CELF4: variants seen among roughly 807,000 people sequenced by gnomAD.
CELF4 encodes the protein CUGBP Elav-like family member 4.
CELF4 carries 18 observed loss-of-function variants against 59.9 expected under a neutral mutation model. That is an observed-to-expected ratio of 0.30 (90% CI 0.21 to 0.45). The LOEUF (loss-of-function observed/expected upper bound fraction) is 0.45. Ranked by LOEUF, CELF4 falls within the 20% of genes least tolerant of loss-of-function variation. The pLI is 1.00. For synonymous variants in CELF4, 261 were observed against 267.1 expected, an observed-to-expected ratio of 0.98 and a Z score of 0.22; for missense variants, 456 against 689.0, an observed-to-expected ratio of 0.66 and a Z score of 3.79.
chr18:37,248,906 C>G (rs2063699834), intron 12 of CELF4, among the ~76,000 whole-genome samples: 2 of 145,426 alleles, frequency 1.4e-5, no homozygotes, highest in African/African-American at 5.1e-5. Context: ...AGTCCACAGG[C>G]TTCTACATAC....
At chr18:37,341,785 C>A (rs2098050892) in intron 2 of CELF4, among the ~76,000 whole-genome samples, 1 of 152,122 alleles carries the variant, frequency 6.6e-6, no homozygotes, top group African/African-American at 2.4e-5. Flanking sequence ...CTCCTAGGAG[C>A]TAGGATGGTG....
intron 1 of CELF4, among the ~76,000 whole-genome samples, chr18:37,548,893 C>T (rs2099982273): frequency 6.6e-6 from 1 of 152,236 alleles, no homozygotes. Flanking sequence ...AGGCACGAAA[C>T]ACTGCCCACC....
At chr18:37,251,367 C>A (rs988591303) in intron 12 of CELF4, among the ~76,000 whole-genome samples, 4 of 152,170 alleles carry the variant, frequency 2.6e-5, no homozygotes, top group Non-Finnish European at 5.9e-5. Flanking sequence ...GCTGGTTCAA[C>A]CCTGTGGGCA....
At chr18:37,393,943 C>T (rs1159504787) in intron 2 of CELF4, among the ~76,000 whole-genome samples, 1 of 151,174 alleles carries the variant, frequency 6.6e-6, no homozygotes. Flanking sequence ...AACACCCCAC[C>T]TCCTCCGAGC....
intron 10 of CELF4, among the ~76,000 whole-genome samples, chr18:37,262,988 T>C (rs1350459751): frequency 6.6e-6 from 1 of 152,172 alleles, no homozygotes; most frequent in East Asian, 1.9e-4. Flanking sequence ...ATGCCCCTGA[T>C]CTCAGAAGTT....
At chr18:37,325,477 T>G (rs606798) in intron 2 of CELF4, among the ~76,000 whole-genome samples, 102,215 of 152,138 alleles carry the variant, frequency 0.67, 34,626 homozygotes, top group South Asian at 0.77. Flanking sequence ...CCACCCTAGA[T>G]GCCACCCCAG....
At chr18:37,489,477 G>A (rs1203129024) in intron 1 of CELF4, among the ~76,000 whole-genome samples, 1 of 152,148 alleles carries the variant, frequency 6.6e-6, no homozygotes, top group East Asian at 1.9e-4. Flanking sequence ...CTCTCTCCTA[G>A]GGAGGGAATG....
intron 3 of CELF4, among the ~76,000 whole-genome samples, chr18:37,292,146 A>T (rs1430111851): frequency 3.3e-5 from 5 of 149,268 alleles, no homozygotes; most frequent in African/African-American, 1.3e-4. Context: ...AATCTTGGAC[A>T]TTCTGGCCTC....
chr18:37,302,776 G>C (rs972656121), intron 3 of CELF4, among the ~76,000 whole-genome samples: 1 of 152,184 alleles, frequency 6.6e-6, no homozygotes, highest in African/African-American at 2.4e-5. Context: ...AGCAGGGTGA[G>C]CTTTCAGGAG....
intron 12 of CELF4, among the ~76,000 whole-genome samples, chr18:37,251,786 C>A (rs2065672777): frequency 6.6e-6 from 1 of 152,252 alleles, no homozygotes; most frequent in Admixed American, 6.5e-5. Flanking sequence ...GAGCCAGAAG[C>A]TCCTCGAGGG....
chr18:37,320,326 A>C (rs1603461845), intron 3 of CELF4, among the ~76,000 whole-genome samples: 1 of 110,416 alleles, frequency 9.1e-6, no homozygotes, highest in Admixed American at 1.2e-4. Flanking sequence ...ACAGAGTGAG[A>C]CTCCATCTCA....
At chr18:37,528,312 T>A (rs1452764863) in intron 1 of CELF4, among the ~76,000 whole-genome samples, 1 of 152,228 alleles carries the variant, frequency 6.6e-6, no homozygotes, top group Non-Finnish European at 1.5e-5. Context: ...GTAATTTTCC[T>A]TACAAGAGTG....
At chr18:37,330,491 G>C (rs771489487) in intron 2 of CELF4, among the ~76,000 whole-genome samples, 1 of 152,222 alleles carries the variant, frequency 6.6e-6, no homozygotes, top group African/African-American at 2.4e-5. Flanking sequence ...ATAGAGAGGG[G>C]TTAGAGATTC....
chr18:37,558,602 G>T (rs1178416558), intron 1 of CELF4, among the ~76,000 whole-genome samples: 1 of 151,694 alleles, frequency 6.6e-6, no homozygotes, highest in Non-Finnish European at 1.5e-5. Flanking sequence ...GGCTGTTTGG[G>T]TAGGACTGGA....
At chr18:37,467,337 G>A (rs1211644401) in intron 2 of CELF4, among the ~76,000 whole-genome samples, 2 of 152,162 alleles carry the variant, frequency 1.3e-5, no homozygotes, top group African/African-American at 4.8e-5. Flanking sequence ...AGGGCAAGAG[G>A]CCATTTCTGG....
chr18:37,489,346 A>AG (rs1466560192), intron 1 of CELF4, among the ~76,000 whole-genome samples: 1 of 152,184 alleles, frequency 6.6e-6, no homozygotes, highest in Admixed American at 6.5e-5. Context: ...GACTGTGGGG[A>AG]GGGGGCTGCA....
intron 5 of CELF4, 26 bp downstream of exon 5, chr18:37,274,779 C>T (rs1482147342): frequency 1.3e-6 from 2 of 1,555,068 alleles, no homozygotes; most frequent in Non-Finnish European, 8.7e-7. Context: ...CTGCCCTCGC[C>T]CCCGCCCCAA....
chr18:37,553,776 G>T (rs576140160), intron 1 of CELF4, among the ~76,000 whole-genome samples: 1 of 152,274 alleles, frequency 6.6e-6, no homozygotes, highest in Admixed American at 6.5e-5. Context: ...GCCAACACTG[G>T]CCAGGGTAAG....
chr18:37,491,254 C>T (rs1363767182), intron 1 of CELF4, among the ~76,000 whole-genome samples: 1 of 151,816 alleles, frequency 6.6e-6, no homozygotes, highest in Non-Finnish European at 1.5e-5. Context: ...CCGTGCCCAC[C>T]TCCTCTCCTC....
Sources: gnomAD v4.1 joint callset for allele counts (sites outside exome capture counted in the v4.1 genomes callset) on GRCh38, gnomAD v4.1.1 for gene constraint, MANE v1.5 for transcripts, NCBI Gene and HGNC (gene_info 2026-07-23, HGNC 2026-07-21) for gene names.